The following KCNQ1 variants were observed in gnomAD, a reference collection of about 807,000 sequenced individuals.
KCNQ1 encodes the protein potassium voltage-gated channel subfamily KQT member 1.
KCNQ1 carries 49 observed loss-of-function variants against 72.4 expected under a neutral mutation model. That is an observed-to-expected ratio of 0.68 (90% CI 0.54 to 0.86). The LOEUF (loss-of-function observed/expected upper bound fraction) is 0.86, where lower values mean the gene tolerates loss of function less well. KCNQ1 is among the 40% of genes least tolerant of loss of function. The pLI, the probability that KCNQ1 is intolerant of heterozygous loss-of-function variation, is 0.00. For synonymous variants in KCNQ1, 450 were observed against 412.6 expected, an observed-to-expected ratio of 1.09 and a Z score of -1.10; for missense variants, 790 against 945.1, an observed-to-expected ratio of 0.84 and a Z score of 2.15.
Position 2,611,281 on chromosome 11 carries a change from G to A in KCNQ1, c.1393+22427G>A, listed in dbSNP as rs541068224. 1.4e-3 allele frequency: 551 copies of A among 397,192 alleles called. No individual in the cohort carries two copies. Among genetic ancestry groups the A allele is most frequent in the Non-Finnish European group, 2.2e-3 (496 of 225,774 alleles). 24.6% of individuals were successfully genotyped at this position (397,192 alleles called of 1,614,324 possible). ...GTTGCCCAGGCTGGAGTGCAGTGGC[G>A]TGACCTTGGCTCACTGCAACCTCTG... On this transcript the variant is annotated intron_variant, in intron 10 of 15. Coordinates refer to ENST00000155840, the MANE Select transcript of KCNQ1 (RefSeq NM_000218.3). The surrounding 1 kb of genome is among the most constrained non-coding windows in gnomAD (Gnocchi z 5.3).
intron 11 of KCNQ1, chr11:2,688,116 G>T (rs1850523105): frequency 5.0e-6 from 2 of 398,932 alleles, no homozygotes; most frequent in Non-Finnish European, 4.4e-6. Flanking sequence ...CCTGGTGGGG[G>T]TGGGGATACA....
intron 12 of KCNQ1, among the ~76,000 whole-genome samples, chr11:2,773,026 C>G (rs1037046692): frequency 4.6e-5 from 7 of 152,216 alleles, no homozygotes; most frequent in African/African-American, 1.7e-4. Context: ...ATGGTGCTGG[C>G]TTAGGATTCC....
intron 11 of KCNQ1, chr11:2,685,647 C>T (rs75560722): frequency 0.058 from 23,209 of 398,590 alleles, 809 homozygotes; most frequent in Middle Eastern, 0.098. Context: ...AGGGGACAAG[C>T]CCACACAGGT....
In KCNQ1 at chr11:2,471,829, C is replaced by G. The variant is rs780767714; in HGVS notation, c.386+26345C>G. On this transcript the variant is annotated intron_variant, in intron 1 of 15. Transcript: ENST00000155840. The surrounding 1 kb of genome is among the most constrained non-coding windows in gnomAD (Gnocchi z 4.8). ...AGGTGTGTGTGCACGTGTATGGGTG[C>G]GTGTGCACCTATGTGTGTATAGGTG... is the stretch of plus-strand genomic sequence containing the variant. Among the ~76,000 whole-genome samples the G allele has an allele frequency of 2.0e-5, 3 of 148,130 alleles. No individual in the cohort carries two copies. The highest frequency in any genetic ancestry group is 4.5e-5 in the Non-Finnish European group (3 of 67,020).
In KCNQ1 at chr11:2,834,246, G is replaced by C. The variant is rs879450161; in HGVS notation, c.1795-13521G>C. Reference sequence around the variant, plus strand: ...TGTGGAGTGGCAAGGTGCGTGACATGGTGTATGGCATGGTAGTGTGCCCCT... The same window carrying C: ...TGTGGAGTGGCAAGGTGCGTGACATCGTGTATGGCATGGTAGTGTGCCCCT... On this transcript the variant is annotated intron_variant, in intron 15 of 15. Coordinates refer to ENST00000155840, the MANE Select transcript of KCNQ1 (RefSeq NM_000218.3). Among the ~76,000 whole-genome samples, 42 of 152,156 alleles carry C rather than the reference G, an allele frequency of 2.8e-4. 1 individual carries two copies. The highest frequency in any genetic ancestry group is 2.7e-3 in the Admixed American group (41 of 15,282).
At chr11:2,448,304 G>A (rs1846074283) in intron 1 of KCNQ1, among the ~76,000 whole-genome samples, 1 of 152,258 alleles carries the variant, frequency 6.6e-6, no homozygotes, top group Admixed American at 6.5e-5. Context: ...TGGCTCAGCA[G>A]CCCCTGTTCC....
intron 1 of KCNQ1, among the ~76,000 whole-genome samples, chr11:2,485,107 A>T (rs75980574): frequency 0.032 from 4,938 of 152,080 alleles, 246 homozygotes; most frequent in East Asian, 0.18. Flanking sequence ...CCCCACGGTG[A>T]CTTTGAGTAT....
Position 2,583,428 on chromosome 11 carries a change from C to A in KCNQ1, c.922-7C>A. The stretch of plus-strand genomic sequence containing the variant: ...TCCGTGGCTGACCACTGTCCCTCTC[C>A]CTGCAGGTCACAGTCACCACCATCG... On this transcript the variant is annotated splice_region_variant and splice_polypyrimidine_tract_variant and intron_variant, in intron 6 of 15. Transcript: ENST00000155840. 1 of 1,602,758 alleles carries A rather than the reference C, an allele frequency of 6.2e-7. No homozygotes were observed. The highest frequency in any genetic ancestry group is 8.5e-7 in the Non-Finnish European group (1 of 1,169,820).
At position 2,451,752 on chromosome 11, in the gene KCNQ1, G is replaced by C. The variant is rs961785307; in HGVS notation, c.386+6268G>C. Among the ~76,000 whole-genome samples the C allele has an allele frequency of 3.9e-5, 6 of 152,164 alleles. No individual in the cohort carries two copies. Among genetic ancestry groups the C allele is most frequent in the African/African-American group, 1.2e-4 (5 of 41,428 alleles). ...CTCTGGGACCTGGGGCCTGGGCTCT[G>C]CTCCCCATTTCGCTCCTCCACTCAC... is the stretch of plus-strand genomic sequence containing the variant. On this transcript the variant is annotated intron_variant, in intron 1 of 15. Coordinates refer to ENST00000155840, the MANE Select transcript of KCNQ1 (RefSeq NM_000218.3). The surrounding 1 kb of genome is among the most constrained non-coding windows in gnomAD (Gnocchi z 6.4).
In KCNQ1 at chr11:2,541,587, G is replaced by A. The variant is rs1306001450; in HGVS notation, c.477+13569G>A. Reference sequence around the variant, plus strand: ...TTGAGGACAAAGCCATGGGGACGCCGTTTTCGGGATGCTTGTGAGCAGGGC... The same window carrying A: ...TTGAGGACAAAGCCATGGGGACGCCATTTTCGGGATGCTTGTGAGCAGGGC... On this transcript the variant is annotated intron_variant, in intron 2 of 15. Coordinates refer to ENST00000155840, the MANE Select transcript of KCNQ1 (RefSeq NM_000218.3). The surrounding 1 kb of genome is among the most constrained non-coding windows in gnomAD (Gnocchi z 4.8). Among the ~76,000 whole-genome samples, 3 of 151,994 alleles carry A rather than the reference G, an allele frequency of 2.0e-5. No homozygotes were observed. The highest frequency in any genetic ancestry group is 1.9e-4 in the East Asian group (1 of 5,160).
At chr11:2,660,187 GA>G in intron 10 of KCNQ1, 1 of 397,600 alleles carries the variant, frequency 2.5e-6, no homozygotes, top group Middle Eastern at 6.3e-4. Context: ...TTTTATTTTA[GA>G]TTTTTTTTCA....
In KCNQ1 at chr11:2,813,569, G is replaced by A. The variant is rs1847537531; in HGVS notation, c.1795-34198G>A. Among the ~76,000 whole-genome samples the A allele has an allele frequency of 6.6e-6, 1 of 152,108 alleles. No individual in the cohort carries two copies. The highest frequency in any genetic ancestry group is 1.5e-5 in the Non-Finnish European group (1 of 68,030). On this transcript the variant is annotated intron_variant, in intron 15 of 15. Transcript: ENST00000155840. This position sits in a 1 kb window ranked among gnomAD's most constrained non-coding sequence, Gnocchi z 4.4. ...TTGATCTGGAGCCATTCAGCCACAT[G>A]GAGTATGTCCTCTGTCGAGGGGGCA... is the stretch of plus-strand genomic sequence containing the variant.
intron 10 of KCNQ1, chr11:2,635,582 T>C (rs1405422008): frequency 6.6e-6 from 1 of 152,236 alleles, no homozygotes; most frequent in African/African-American, 2.4e-5. Flanking sequence ...TTGGTGACTG[T>C]AGCCTTGTAG....
chr11:2,719,130 G>C (rs1017536271), intron 11 of KCNQ1, among the ~76,000 whole-genome samples: 16 of 151,746 alleles, frequency 1.1e-4, no homozygotes, highest in African/African-American at 3.6e-4. Flanking sequence ...TGTGCTCTCG[G>C]GTGCAGAGCT....
At chr11:2,672,849 T>C (rs1850211310) in intron 11 of KCNQ1, 1 of 398,678 alleles carries the variant, frequency 2.5e-6, no homozygotes, top group African/African-American at 2.1e-5. Flanking sequence ...CCTGGGCATT[T>C]TCTTGAGTGT....
At position 2,657,900 on chromosome 11, in the gene KCNQ1, A is replaced by C; in HGVS notation, c.1394-4061A>C. ...GCCAGTGAGGTGAGATGCTTTCCTC[A>C]TTGTGGAACATGACATCAACATGGT... On this transcript the variant is annotated intron_variant, in intron 10 of 15. Transcript: ENST00000155840. The surrounding 1 kb of genome is among the most constrained non-coding windows in gnomAD (Gnocchi z 4.8). 1 of 398,634 alleles carries C rather than the reference A, an allele frequency of 2.5e-6. No individual in the cohort carries two copies. Among genetic ancestry groups the C allele is most frequent in the South Asian group, 1.3e-4 (1 of 7,856 alleles). The allele number at this position is 398,634 out of a possible 1,614,324, so 24.7% of individuals were successfully genotyped here. A position where few individuals can be genotyped will look rare whatever the true frequency, so the allele number is the denominator to read the frequency against.
At position 2,611,489 on chromosome 11, in the gene KCNQ1, GGT is replaced by G. The variant is rs1848979527; in HGVS notation, c.1393+22639_1393+22640del. The G allele has an allele frequency of 7.5e-6, 3 of 398,114 alleles. No individual in the cohort carries two copies. In the South Asian group the frequency reaches 4.0e-4, roughly 53 times the overall value. 24.7% of individuals were successfully genotyped at this position (398,114 alleles called of 1,614,324 possible). A position where few individuals can be genotyped will look rare whatever the true frequency, so the allele number is the denominator to read the frequency against. On this transcript the variant is annotated intron_variant, in intron 10 of 15. Coordinates refer to ENST00000155840, the MANE Select transcript of KCNQ1 (RefSeq NM_000218.3). This position sits in a 1 kb window ranked among gnomAD's most constrained non-coding sequence, Gnocchi z 5.3. ...AGCCTCCCAAAATGCTGGGATTACAGGTGTGAGCCACTGCACCCAGCCAATTT... is the reference window on the plus strand; with the variant it reads ...AGCCTCCCAAAATGCTGGGATTACAGGTGAGCCACTGCACCCAGCCAATTT...
Position 2,678,894 on chromosome 11 carries a change from TA to T in KCNQ1, c.1514+16814del. On this transcript the variant is annotated intron_variant, in intron 11 of 15. Transcript: ENST00000155840. This position sits in a 1 kb window ranked among gnomAD's most constrained non-coding sequence, Gnocchi z 4.9. ...CCAGCTGGACCCAAGGACCATTTCG[TA>T]TACATGTATGATCATACTTTCAGGG... 2.5e-6 allele frequency: 1 copy of T among 398,594 alleles called. No individual in the cohort carries two copies. Among genetic ancestry groups the T allele is most frequent in the African/African-American group, 2.1e-5 (1 of 48,728 alleles). The allele number at this position is 398,594 out of a possible 1,614,324, so 24.7% of individuals were successfully genotyped here. A position where few individuals can be genotyped will look rare whatever the true frequency, so the allele number is the denominator to read the frequency against.
At chr11:2,765,218 A>G (rs1345388895) in intron 11 of KCNQ1, among the ~76,000 whole-genome samples, 1 of 152,078 alleles carries the variant, frequency 6.6e-6, no homozygotes, top group East Asian at 1.9e-4. Flanking sequence ...ATTTAATTTA[A>G]ACTGTTGTTT....
Sources: allele counts gnomAD v4.1 joint callset (sites outside exome capture counted in the v4.1 genomes callset), GRCh38; gene constraint gnomAD v4.1.1; non-coding constraint Gnocchi (gnomAD v3.1); transcripts MANE v1.5; gene names NCBI Gene and HGNC (gene_info 2026-07-23, HGNC 2026-07-21).